Variants in CNTNAP2 observed in about 807,000 individuals in gnomAD.
The protein encoded by CNTNAP2 is contactin associated protein 2.
A neutral mutation model predicts 155.2 loss-of-function variants in CNTNAP2; 98 were observed. That is an observed-to-expected ratio of 0.63 (90% CI 0.54 to 0.75). The LOEUF (loss-of-function observed/expected upper bound fraction) is 0.75, where lower values mean the gene tolerates loss of function less well. Among genes scored for constraint, CNTNAP2 ranks in the 30% least tolerant of loss-of-function variants. The pLI is 0.00. For synonymous variants in CNTNAP2, 651 were observed against 631.2 expected (o/e 1.03, Z -0.47); for missense variants, 1,727 against 1,688.1 (o/e 1.02, Z -0.40).
chr7:146,496,124 A>G lies in CNTNAP2; in HGVS notation c.98-278147A>G, dbSNP rs138716375. Among the ~76,000 whole-genome samples the G allele has an allele frequency of 2.0e-5, 3 of 152,234 alleles. No individual in the cohort carries two copies. The East Asian group carries it at 5.8e-4, about 30-fold the overall frequency. On this transcript the variant is annotated intron_variant, in intron 1 of 23. Coordinates refer to ENST00000361727, the MANE Select transcript of CNTNAP2 (RefSeq NM_014141.6). Reference sequence around the variant, plus strand: ...TTCCCTGCCCTGATATGTGTCTCCAAGTGTATTTGTAACCCATGCGACGTG... The same window carrying G: ...TTCCCTGCCCTGATATGTGTCTCCAGGTGTATTTGTAACCCATGCGACGTG...
At chr7:147,081,938 G>T (rs1800141210) in intron 4 of CNTNAP2, 1 of 152,134 alleles carries the variant, frequency 6.6e-6, no homozygotes, top group South Asian at 2.1e-4. Flanking sequence ...CTCTGAAAAG[G>T]AGGGAGCTAG....
At chr7:146,855,733 G>GAAATAAGA (rs1794967285) in intron 3 of CNTNAP2, among the ~76,000 whole-genome samples, 2 of 147,822 alleles carry the variant, frequency 1.4e-5, no homozygotes, top group African/African-American at 5.0e-5. Flanking sequence ...CACCATGAAG[G>GAAATAAGA]AAATAAGAAA....
intron 1 of CNTNAP2, among the ~76,000 whole-genome samples, chr7:146,619,708 C>G (rs571921346): frequency 6.6e-6 from 1 of 152,248 alleles, no homozygotes; most frequent in African/African-American, 2.4e-5. Context: ...GAGATCACAT[C>G]ATTCACGGCA....
chr7:148,112,482 A>G (rs1418723986), intron 15 of CNTNAP2, among the ~76,000 whole-genome samples: 2 of 151,832 alleles, frequency 1.3e-5, no homozygotes, highest in Non-Finnish European at 2.9e-5. Flanking sequence ...ATGCAGTGAC[A>G]TGATCACAAT....
intron 5 of CNTNAP2, among the ~76,000 whole-genome samples, chr7:147,110,123 C>A (rs1800846549): frequency 1.3e-5 from 2 of 152,156 alleles, no homozygotes; most frequent in Non-Finnish European, 2.9e-5. Context: ...TGGGGTTTCA[C>A]CATGTTGGCC....
At chr7:146,585,645 C>T (rs6464769) in intron 1 of CNTNAP2, among the ~76,000 whole-genome samples, 5,137 of 149,490 alleles carry the variant, frequency 0.034, 289 homozygotes, top group African/African-American at 0.12. Context: ...ATAAAATTGA[C>T]GAGTTATCAA....
At chr7:147,851,774 G>C (rs1028904726) in intron 13 of CNTNAP2, among the ~76,000 whole-genome samples, 3 of 119,946 alleles carry the variant, frequency 2.5e-5, no homozygotes, top group South Asian at 3.2e-4. Context: ...GTGGGGGGAG[G>C]GGGGAAGGAT....
intron 2 of CNTNAP2, among the ~76,000 whole-genome samples, chr7:146,823,480 CT>C (rs1262274958): frequency 2.3e-5 from 3 of 129,594 alleles, no homozygotes; most frequent in Admixed American, 7.3e-5. Context: ...TGGAAATATA[CT>C]CATTCTTCAG....
intron 14 of CNTNAP2, among the ~76,000 whole-genome samples, chr7:147,944,835 T>A (rs1486892573): frequency 1.3e-5 from 2 of 152,214 alleles, no homozygotes; most frequent in African/African-American, 4.8e-5. Context: ...GGCTGAGTTA[T>A]GTTTATACCT....
chr7:148,026,051 G>A lies in CNTNAP2; in HGVS notation c.2383+48062G>A, dbSNP rs535547295. Among the ~76,000 whole-genome samples, 5 of 152,298 alleles carry A rather than the reference G, an allele frequency of 3.3e-5. No homozygotes were observed. The South Asian group carries it at 1.0e-3, about 32-fold the overall frequency. On this transcript the variant is annotated intron_variant, in intron 15 of 23. Coordinates refer to ENST00000361727, the MANE Select transcript of CNTNAP2 (RefSeq NM_014141.6). ...GACCTGAAAGGAAAAGGTAAGGCAA[G>A]GGCAGAGGTTGGACCCTTGTCCCTT...
intron 8 of CNTNAP2, among the ~76,000 whole-genome samples, chr7:147,257,295 A>G (rs1804353419): frequency 6.6e-6 from 1 of 152,210 alleles, no homozygotes. Flanking sequence ...ATCAGCTTAC[A>G]CAGAAGTCTG....
chr7:146,587,998 G>A (rs908547879), intron 1 of CNTNAP2, among the ~76,000 whole-genome samples: 9 of 55,370 alleles, frequency 1.6e-4, no homozygotes, highest in African/African-American at 2.3e-4. Context: ...CAAACAAACC[G>A]TGTGTGTATG....
At chr7:146,533,734 C>G (rs1797804811) in intron 1 of CNTNAP2, among the ~76,000 whole-genome samples, 2 of 152,002 alleles carry the variant, frequency 1.3e-5, no homozygotes, top group African/African-American at 4.8e-5. Flanking sequence ...TCTCTGGATC[C>G]CATTGCTGTT....
At chr7:147,607,750 G>A (rs1192211315) in intron 12 of CNTNAP2, among the ~76,000 whole-genome samples, 1 of 152,180 alleles carries the variant, frequency 6.6e-6, no homozygotes, top group Non-Finnish European at 1.5e-5. Context: ...AGGTAACGGT[G>A]TCAGAAAGAG....
chr7:146,842,732 C>T (rs941096625), intron 3 of CNTNAP2, among the ~76,000 whole-genome samples: 1 of 152,020 alleles, frequency 6.6e-6, no homozygotes, highest in African/African-American at 2.4e-5. Context: ...TTCGCCCAGG[C>T]TGGAGTGCAG....
At chr7:147,884,256 A>T (rs186389675) in intron 13 of CNTNAP2, among the ~76,000 whole-genome samples, 11 of 152,332 alleles carry the variant, frequency 7.2e-5, no homozygotes, top group African/African-American at 2.2e-4. Context: ...GAGGTCAGTG[A>T]TAAATAAGGA....
At chr7:146,519,330 A>C (rs1235352187) in intron 1 of CNTNAP2, among the ~76,000 whole-genome samples, 1 of 151,864 alleles carries the variant, frequency 6.6e-6, no homozygotes, top group African/African-American at 2.4e-5. Context: ...TTGAGGCTTG[A>C]GAAGAGGGAA....
chr7:146,733,422 CA>C (rs556362811), intron 1 of CNTNAP2, among the ~76,000 whole-genome samples: 1 of 147,502 alleles, frequency 6.8e-6, no homozygotes, highest in Non-Finnish European at 1.5e-5. Flanking sequence ...CTGCAAAAAA[CA>C]AAAAACAAGA....
intron 1 of CNTNAP2, among the ~76,000 whole-genome samples, chr7:146,129,454 A>G (rs1463230452): frequency 6.6e-6 from 1 of 152,194 alleles, no homozygotes; most frequent in African/African-American, 2.4e-5. Flanking sequence ...GGTGGCGCTA[A>G]AGACAAACCA....
Sources: gnomAD v4.1 joint callset for allele counts (sites outside exome capture counted in the v4.1 genomes callset) on GRCh38, gnomAD v4.1.1 for gene constraint, MANE v1.5 for transcripts, NCBI Gene and HGNC (gene_info 2026-07-23, HGNC 2026-07-21) for gene names.